ANKRD31: variants seen among roughly 807,000 people sequenced by gnomAD.
ANKRD31 encodes the protein ankyrin repeat domain-containing protein 31.
Under a neutral mutation model 186.0 loss-of-function variants are expected in ANKRD31, and 147 were observed. That is an observed-to-expected ratio of 0.79 (90% CI 0.69 to 0.91). The LOEUF (loss-of-function observed/expected upper bound fraction) is 0.91. Ranked by LOEUF, ANKRD31 falls within the 40% of genes least tolerant of loss-of-function variation. The probability of loss-of-function intolerance (pLI) is 0.00; values close to 1 mark genes in which losing one functional copy is unlikely to be tolerated. For missense variants in ANKRD31, 1,986 were observed against 2,148.8 expected, an observed-to-expected ratio of 0.92 and a Z score of 1.50; for synonymous variants, 673 against 736.4, an observed-to-expected ratio of 0.91 and a Z score of 1.39.
chr5:75,158,889 G>C (rs1752386239), intron 11 of ANKRD31, among the ~76,000 whole-genome samples: 2 of 152,088 alleles, frequency 1.3e-5, no homozygotes, highest in Non-Finnish European at 2.9e-5. Context: ...CACAGGAACT[G>C]CTTTGAGAGG....
chr5:75,224,676 T>C (rs1001357976), intron 2 of ANKRD31, among the ~76,000 whole-genome samples: 63 of 152,186 alleles, frequency 4.1e-4, no homozygotes, highest in Non-Finnish European at 4.7e-4. Context: ...AAGCTATAAA[T>C]ATAATCAATG....
intron 25 of ANKRD31, among the ~76,000 whole-genome samples, chr5:75,079,556 C>T (rs777175966): frequency 3.9e-5 from 6 of 151,908 alleles, no homozygotes; most frequent in Non-Finnish European, 8.8e-5. Flanking sequence ...CTTACTGCAA[C>T]CTCCGCCTCT....
intron 17 of ANKRD31, among the ~76,000 whole-genome samples, chr5:75,122,966 A>G (rs1179637225): frequency 6.6e-6 from 1 of 152,180 alleles, no homozygotes; most frequent in African/African-American, 2.4e-5. Context: ...AAGAAAAGGC[A>G]TCCAAGTTGG....
intron 5 of ANKRD31, among the ~76,000 whole-genome samples, chr5:75,203,785 C>A (rs1052240371): frequency 6.6e-6 from 1 of 151,922 alleles, no homozygotes; most frequent in Non-Finnish European, 1.5e-5. Flanking sequence ...CATCCTCATA[C>A]ACACACACAA....
chr5:75,073,114 C>G (rs1292340880), intron 25 of ANKRD31, among the ~76,000 whole-genome samples: 1 of 152,086 alleles, frequency 6.6e-6, no homozygotes, highest in Non-Finnish European at 1.5e-5. Flanking sequence ...GCATTTCTCT[C>G]CAAAAGGGAA....
chr5:75,190,155 G>C (rs1755005252), intron 9 of ANKRD31, among the ~76,000 whole-genome samples: 1 of 151,946 alleles, frequency 6.6e-6, no homozygotes. Flanking sequence ...GAGTAGCTGG[G>C]ACTACAGGCA....
chr5:75,162,084 G>C (rs548712051), intron 11 of ANKRD31, among the ~76,000 whole-genome samples: 26 of 152,304 alleles, frequency 1.7e-4, no homozygotes, highest in Non-Finnish European at 3.2e-4. Flanking sequence ...TGTGAGAAGA[G>C]AGCCACTGTC....
At chr5:75,071,502 T>G (rs996891834) in intron 25 of ANKRD31, among the ~76,000 whole-genome samples, 17 of 150,116 alleles carry the variant, frequency 1.1e-4, no homozygotes, top group South Asian at 4.2e-4. Context: ...GTTTTGTTTT[T>G]TTTTTTTTTT....
In ANKRD31 at chr5:75,138,381, G is replaced by A. The variant is rs575406862; in HGVS notation, c.3734-383C>T. On this transcript the variant is annotated intron_variant, in intron 16 of 25. Coordinates refer to ENST00000506364, the MANE Select transcript of ANKRD31 (RefSeq NM_001372053.1). ...GACACCTGGTTTAATTAACCTTTGA[G>A]TTTTTCCCTGTGGAATTCTTCAGAG... is the stretch of plus-strand genomic sequence containing the variant. 2.6e-5 allele frequency among the ~76,000 whole-genome samples: 4 copies of A among 152,212 alleles called. No homozygotes were observed. In the South Asian group the frequency reaches 8.3e-4, roughly 32 times the overall value.
At chr5:75,126,875 A>G (rs1465598652) in intron 17 of ANKRD31, among the ~76,000 whole-genome samples, 5 of 152,162 alleles carry the variant, frequency 3.3e-5, no homozygotes, top group African/African-American at 1.2e-4. Context: ...TTTCAATTCC[A>G]TTTGCTGAAA....
chr5:75,178,391 A>G (rs1485363056), intron 10 of ANKRD31, among the ~76,000 whole-genome samples: 1 of 152,192 alleles, frequency 6.6e-6, no homozygotes, highest in Non-Finnish European at 1.5e-5. Flanking sequence ...GACCCAATAG[A>G]CATCTACAGA....
At chr5:75,080,697 C>A in intron 24 of ANKRD31, 58 bp from the exon 25 acceptor site, 2 of 1,116,094 alleles carry the variant, frequency 1.8e-6, no homozygotes, top group South Asian at 1.7e-5. Flanking sequence ...CTGCTCTGGT[C>A]AAATCAGGAT....
chr5:75,109,427 A>G (rs970700030), intron 20 of ANKRD31, among the ~76,000 whole-genome samples: 1 of 152,184 alleles, frequency 6.6e-6, no homozygotes, highest in African/African-American at 2.4e-5. Context: ...GAGGAGGGTG[A>G]GTCTGAAAAA....
At chr5:75,164,804 A>C (rs1561493296) in intron 11 of ANKRD31, among the ~76,000 whole-genome samples, 1 of 152,122 alleles carries the variant, frequency 6.6e-6, no homozygotes, top group Non-Finnish European at 1.5e-5. Flanking sequence ...TGCATTCTGT[A>C]TTTTCTTTGC....
intron 3 of ANKRD31, among the ~76,000 whole-genome samples, chr5:75,217,237 G>C (rs542621270): frequency 6.6e-6 from 1 of 152,244 alleles, no homozygotes; most frequent in Non-Finnish European, 1.5e-5. Flanking sequence ...TGTCTACTAG[G>C]TCCATTTGGT....
intron 22 of ANKRD31, among the ~76,000 whole-genome samples, chr5:75,095,900 A>G (rs1268150912): frequency 6.6e-6 from 1 of 152,184 alleles, no homozygotes; most frequent in Non-Finnish European, 1.5e-5. Context: ...TCCTGCATAT[A>G]AGGGGGCACT....
intron 5 of ANKRD31, among the ~76,000 whole-genome samples, chr5:75,201,188 T>C (rs766270102): frequency 2.0e-5 from 3 of 152,158 alleles, no homozygotes; most frequent in Non-Finnish European, 2.9e-5. Context: ...CCTGTTTTTT[T>C]CCCTCGCTTC....
chr5:75,224,251 G>A (rs1010126375), intron 2 of ANKRD31, among the ~76,000 whole-genome samples: 1 of 147,952 alleles, frequency 6.8e-6, no homozygotes, highest in Non-Finnish European at 1.5e-5. Context: ...AAAGTTGGAA[G>A]AAGGTAAATT....
At chr5:75,169,502 A>T (rs1753166322) in intron 10 of ANKRD31, among the ~76,000 whole-genome samples, 1 of 152,180 alleles carries the variant, frequency 6.6e-6, no homozygotes, top group African/African-American at 2.4e-5. Context: ...TACTTCCATT[A>T]AAGTATCCAG....
Sources: allele counts gnomAD v4.1 joint callset (sites outside exome capture counted in the v4.1 genomes callset), GRCh38; gene constraint gnomAD v4.1.1; transcripts MANE v1.5; gene names NCBI Gene and HGNC (gene_info 2026-07-23, HGNC 2026-07-21).